CALN1: variants seen among roughly 807,000 people sequenced by gnomAD.
The protein encoded by CALN1 is calneuron 1, also known as calcium-binding protein 8.
Under a neutral mutation model 30.6 loss-of-function variants are expected in CALN1, and 17 were observed. The ratio of observed to expected loss-of-function variants is 0.56; its 90% confidence interval spans 0.38 to 0.83. The LOEUF is 0.83. Ranked by LOEUF, CALN1 falls within the 40% of genes least tolerant of loss-of-function variation. CALN1 has a pLI of 0.00. For synonymous variants in CALN1, 156 were observed against 131.4 expected, an observed-to-expected ratio of 1.19 and a Z score of -1.28; for missense variants, 291 against 354.9, an observed-to-expected ratio of 0.82 and a Z score of 1.45.
chr7:71,784,815 T>C lies in CALN1; in HGVS notation c.*2960A>G. ...GAAGTCACTTCCAGCTGGGGCTACA[T>C]GGCATCCCTTGGGCATGGGAGACCA... On this transcript the variant is annotated 3_prime_UTR_variant, in exon 7 of 7. Coordinates refer to ENST00000395275, the MANE Select transcript of CALN1 (RefSeq NM_031468.4). 7.5e-6 allele frequency: 3 copies of C among 398,636 alleles called. No homozygotes were observed. The highest frequency in any genetic ancestry group is 8.8e-6 in the Non-Finnish European group (2 of 226,110). The allele number at this position is 398,636 out of a possible 1,614,324, so 24.7% of individuals were successfully genotyped here. A position where few individuals can be genotyped will look rare whatever the true frequency, so the allele number is the denominator to read the frequency against.
At chr7:71,808,344 A>G (rs1009790302) in intron 6 of CALN1, among the ~76,000 whole-genome samples, 7 of 151,642 alleles carry the variant, frequency 4.6e-5, no homozygotes, top group African/African-American at 1.7e-4. Context: ...ATTATTAATT[A>G]ACCATTATGG....
At chr7:72,379,356 C>A (rs1804756100) in intron 2 of CALN1, among the ~76,000 whole-genome samples, 1 of 152,154 alleles carries the variant, frequency 6.6e-6, no homozygotes, top group Non-Finnish European at 1.5e-5. Flanking sequence ...AAGGGTTAAA[C>A]CCTAAATAAA....
At chr7:71,915,511 A>G (rs1418260903) in intron 5 of CALN1, among the ~76,000 whole-genome samples, 1 of 152,168 alleles carries the variant, frequency 6.6e-6, no homozygotes, top group African/African-American at 2.4e-5. Flanking sequence ...AGGCAGGCAG[A>G]TCGCAAAGTC....
At chr7:72,233,208 A>T (rs1375967989) in intron 3 of CALN1, among the ~76,000 whole-genome samples, 1 of 151,318 alleles carries the variant, frequency 6.6e-6, no homozygotes, top group African/African-American at 2.4e-5. Context: ...AAAAAAAAAA[A>T]GAAGGCACTG....
At chr7:72,373,203 A>G (rs1804350976) in intron 2 of CALN1, among the ~76,000 whole-genome samples, 1 of 152,046 alleles carries the variant, frequency 6.6e-6, no homozygotes, top group African/African-American at 2.4e-5. Context: ...ACGCAATCTG[A>G]ACAACACAGG....
intron 2 of CALN1, among the ~76,000 whole-genome samples, chr7:72,319,603 C>T (rs1393661723): frequency 2.0e-5 from 3 of 152,138 alleles, no homozygotes; most frequent in Admixed American, 2.0e-4. Flanking sequence ...TGCAGTAGCA[C>T]CATAGATGGA....
chr7:72,162,655 C>G (rs1273562804), intron 3 of CALN1, among the ~76,000 whole-genome samples: 1 of 152,094 alleles, frequency 6.6e-6, no homozygotes, highest in Non-Finnish European at 1.5e-5. Flanking sequence ...AAGAGAATCA[C>G]TTGAGCCTGG....
chr7:71,899,802 G>C (rs1249968959), intron 5 of CALN1, among the ~76,000 whole-genome samples: 1 of 152,152 alleles, frequency 6.6e-6, no homozygotes, highest in Non-Finnish European at 1.5e-5. Flanking sequence ...GCATGGCATA[G>C]AATATGTCCG....
the CALN1 span, among the ~76,000 whole-genome samples, chr7:72,498,418 A>G: frequency 6.7e-6 from 1 of 148,182 alleles, no homozygotes; most frequent in African/African-American, 2.5e-5. Context: ...AGAAAATCTC[A>G]AAAGCAGTCA....
chr7:71,870,108 C>T (rs981268880), intron 5 of CALN1, among the ~76,000 whole-genome samples: 3 of 151,658 alleles, frequency 2.0e-5, no homozygotes, highest in South Asian at 2.1e-4. Context: ...GAGTGGCTGG[C>T]GCAGTGGCTC....
At chr7:72,232,158 G>C (rs549847811) in intron 3 of CALN1, among the ~76,000 whole-genome samples, 6 of 152,176 alleles carry the variant, frequency 3.9e-5, no homozygotes, top group African/African-American at 1.2e-4. Flanking sequence ...GCCTCAGCAG[G>C]GGGAGCAGAG....
chr7:71,975,002 CACA>C (rs1798034448), intron 5 of CALN1, among the ~76,000 whole-genome samples: 1 of 152,150 alleles, frequency 6.6e-6, no homozygotes. Context: ...GCCAGGAAGC[CACA>C]GCAGGGCGGC....
intron 2 of CALN1, among the ~76,000 whole-genome samples, chr7:72,325,614 A>G (rs1230661259): frequency 2.6e-5 from 4 of 152,206 alleles, no homozygotes; most frequent in Non-Finnish European, 5.9e-5. Flanking sequence ...AAATAAATAA[A>G]TAAAACAAGA....
intron 5 of CALN1, among the ~76,000 whole-genome samples, chr7:71,916,266 AG>A (rs987223678): frequency 3.9e-5 from 6 of 152,156 alleles, no homozygotes; most frequent in African/African-American, 1.4e-4. Flanking sequence ...TTCTTAGTCC[AG>A]GAAGAGAGAG....
At chr7:72,496,681 G>C in the CALN1 span, among the ~76,000 whole-genome samples, 1 of 152,108 alleles carries the variant, frequency 6.6e-6, no homozygotes, top group East Asian at 1.9e-4. Flanking sequence ...TTAAGACCTG[G>C]GCAACAAAGC....
At chr7:71,794,910 C>T (rs768822323) in intron 6 of CALN1, among the ~76,000 whole-genome samples, 49 of 152,372 alleles carry the variant, frequency 3.2e-4, no homozygotes, top group Non-Finnish European at 6.2e-4. Context: ...GCTCACTCTT[C>T]CCCGCTTCCT....
At chr7:72,344,654 TTATA>T (rs1014262216) in intron 2 of CALN1, among the ~76,000 whole-genome samples, 1 of 146,972 alleles carries the variant, frequency 6.8e-6, no homozygotes, top group Non-Finnish European at 1.5e-5. Context: ...ATTTTTTTAT[TTATA>T]TAAATATATA....
chr7:71,826,032 C>CA (rs57512202), intron 5 of CALN1, among the ~76,000 whole-genome samples: 1,429 of 43,836 alleles, frequency 0.033, 151 homozygotes, highest in Middle Eastern at 0.059. Context: ...GACTCTGTCT[C>CA]AAAAAAAAAA....
chr7:72,073,048 C>A (rs779166329), intron 4 of CALN1, among the ~76,000 whole-genome samples: 72 of 152,100 alleles, frequency 4.7e-4, no homozygotes, highest in Non-Finnish European at 8.5e-4. Flanking sequence ...GAAGTAATTA[C>A]CTACTTATCA....
Sources: gnomAD v4.1 joint callset for allele counts (sites outside exome capture counted in the v4.1 genomes callset) on GRCh38, gnomAD v4.1.1 for gene constraint, MANE v1.5 for transcripts, NCBI Gene and HGNC (gene_info 2026-07-23, HGNC 2026-07-21) for gene names.